Variants in PRKAR1A observed in about 807,000 individuals in gnomAD.
PRKAR1A encodes cAMP-dependent protein kinase type I-alpha regulatory subunit.
In PRKAR1A, 3 loss-of-function variants were observed where a neutral mutation model predicts 52.0. That is an observed-to-expected ratio of 0.06 (90% CI 0.03 to 0.15). PRKAR1A has a LOEUF of 0.15. PRKAR1A is among the 10% of genes least tolerant of loss of function. PRKAR1A has a pLI of 1.00. For missense variants in PRKAR1A, 240 were observed against 477.4 expected (o/e 0.50, Z 4.63); for synonymous variants, 188 against 168.4 (o/e 1.12, Z -0.90).
chr17:68,504,802 A>T, the PRKAR1A span, among the ~76,000 whole-genome samples: 1 of 152,212 alleles, frequency 6.6e-6, no homozygotes, highest in Non-Finnish European at 1.5e-5. Flanking sequence ...AAATAATTTA[A>T]TTGTACATTT....
the PRKAR1A span, among the ~76,000 whole-genome samples, chr17:68,448,782 C>T: frequency 6.6e-6 from 1 of 152,134 alleles, no homozygotes; most frequent in Non-Finnish European, 1.5e-5. Context: ...AGTTTAGCAG[C>T]GAAACTTAAT....
chr17:68,490,927 C>A, the PRKAR1A span, among the ~76,000 whole-genome samples: 7 of 152,208 alleles, frequency 4.6e-5, no homozygotes, highest in African/African-American at 1.7e-4. Flanking sequence ...CTGTATACCT[C>A]TAACCTTGCC....
the PRKAR1A span, among the ~76,000 whole-genome samples, chr17:68,417,920 C>T: frequency 9.2e-5 from 14 of 151,362 alleles, no homozygotes; most frequent in Admixed American, 2.6e-4. Flanking sequence ...TTAGTAGAGA[C>T]GGGGTTTTAC....
chr17:68,486,450 CCT>C, the PRKAR1A span, among the ~76,000 whole-genome samples: 1 of 132,942 alleles, frequency 7.5e-6, no homozygotes, highest in East Asian at 2.2e-4. Context: ...TCCTTCCTTC[CCT>C]CTTTCTTTCT....
the PRKAR1A span, among the ~76,000 whole-genome samples, chr17:68,477,637 T>A: frequency 9.8e-5 from 15 of 152,302 alleles, no homozygotes; most frequent in South Asian, 8.3e-4. Context: ...GATTTTCAGT[T>A]ACTTCCCTTC....
the PRKAR1A span, among the ~76,000 whole-genome samples, chr17:68,419,941 G>A: frequency 2.7e-4 from 41 of 152,170 alleles, no homozygotes; most frequent in African/African-American, 9.6e-4. Context: ...CCTGGGCAAC[G>A]AAGCCAGACC....
At chr17:68,439,763 T>G in the PRKAR1A span, among the ~76,000 whole-genome samples, 5 of 152,232 alleles carry the variant, frequency 3.3e-5, no homozygotes, top group Admixed American at 1.3e-4. Flanking sequence ...CCGAGTTATT[T>G]GCTGCTCTTT....
the PRKAR1A span, among the ~76,000 whole-genome samples, chr17:68,453,336 T>C: frequency 6.6e-6 from 1 of 152,232 alleles, no homozygotes; most frequent in African/African-American, 2.4e-5. Context: ...ATATTCATAA[T>C]AGCTGAAAGC....
chr17:68,522,948 C>T (rs773086215), intron 3 of PRKAR1A, 22 bp downstream of exon 3: 43 of 1,611,812 alleles, frequency 2.7e-5, no homozygotes, highest in South Asian at 1.2e-4. Context: ...ATTTGAATAT[C>T]GGGGGGATGC....
At chr17:68,435,776 C>T in the PRKAR1A span, 31 of 1,433,812 alleles carry the variant, frequency 2.2e-5, no homozygotes, top group Middle Eastern at 3.5e-4. Context: ...TTTCACCTCC[C>T]TCCCCTTCCT....
intron 11 of PRKAR1A, among the ~76,000 whole-genome samples, chr17:68,546,425 T>C (rs1053851693): frequency 2.0e-4 from 30 of 152,194 alleles, no homozygotes; most frequent in Middle Eastern, 3.4e-3. Context: ...ATTTTCTTAA[T>C]GGCATCTAGA....
intron 2 of PRKAR1A, among the ~76,000 whole-genome samples, chr17:68,518,976 T>C (rs1330833189): frequency 6.6e-6 from 1 of 152,144 alleles, no homozygotes; most frequent in African/African-American, 2.4e-5. Context: ...TTTACTCCAG[T>C]TCTCAAGTTC....
chr17:68,484,554 T>C, the PRKAR1A span, among the ~76,000 whole-genome samples: 2 of 152,162 alleles, frequency 1.3e-5, no homozygotes, highest in Admixed American at 6.5e-5. Context: ...CTTGTTGAAC[T>C]GACTAGATCT....
At chr17:68,444,306 C>A in the PRKAR1A span, among the ~76,000 whole-genome samples, 1 of 152,168 alleles carries the variant, frequency 6.6e-6, no homozygotes, top group Non-Finnish European at 1.5e-5. Flanking sequence ...ACACAGCCCC[C>A]CTGCAGGACA....
the PRKAR1A span, among the ~76,000 whole-genome samples, chr17:68,445,107 A>T: frequency 3.3e-5 from 5 of 151,908 alleles, no homozygotes; most frequent in African/African-American, 1.2e-4. Context: ...TTTAGTAGAG[A>T]CGGGGTTTCA....
chr17:68,465,625 A>ATTTTTTTTTTTGTTTTTTTTT, the PRKAR1A span, among the ~76,000 whole-genome samples: 1 of 67,186 alleles, frequency 1.5e-5, no homozygotes, highest in African/African-American at 5.8e-5. Context: ...ACGCCCAGCA[A>ATTTTTTTTTTTGTTTTTTTTT]TTTTTTTTTT....
the PRKAR1A span, among the ~76,000 whole-genome samples, chr17:68,483,257 A>G: frequency 6.6e-6 from 1 of 151,730 alleles, no homozygotes; most frequent in African/African-American, 2.4e-5. Flanking sequence ...GAGGTGGGTG[A>G]ATCACCTGAG....
At chr17:68,461,517 C>T in the PRKAR1A span, among the ~76,000 whole-genome samples, 123,169 of 152,162 alleles carry the variant, frequency 0.81, 50,734 homozygotes, top group African/African-American at 0.94. The surrounding 1 kb of genome is among the most constrained non-coding windows in gnomAD (Gnocchi z 4.6). Context: ...CAACCATCTA[C>T]AATTAAAGTA....
At chr17:68,450,065 C>T in the PRKAR1A span, among the ~76,000 whole-genome samples, 6 of 152,172 alleles carry the variant, frequency 3.9e-5, no homozygotes, top group Non-Finnish European at 8.8e-5. Flanking sequence ...AGGAAATCTG[C>T]TAACACCCCC....
Sources: gnomAD v4.1 joint callset for allele counts (sites outside exome capture counted in the v4.1 genomes callset) on GRCh38, gnomAD v4.1.1 for gene constraint, Gnocchi (gnomAD v3.1) non-coding constraint, MANE v1.5 for transcripts, NCBI Gene and HGNC (gene_info 2026-07-23, HGNC 2026-07-21) for gene names.